Variants in PHF21A observed in about 807,000 individuals in gnomAD.
PHF21A encodes the protein BHC80a.
Under a neutral mutation model 82.5 loss-of-function variants are expected in PHF21A, and 11 were observed. The observed-to-expected ratio is 0.13, with a 90% CI of 0.08 to 0.22. The LOEUF (loss-of-function observed/expected upper bound fraction) is 0.22, where lower values mean the gene tolerates loss of function less well. PHF21A is among the 10% of genes least tolerant of loss of function. The pLI is 1.00. For synonymous variants in PHF21A, 297 were observed against 302.8 expected, an observed-to-expected ratio of 0.98 and a Z score of 0.20; for missense variants, 579 against 837.8, an observed-to-expected ratio of 0.69 and a Z score of 3.81.
chr11:45,961,963 G>T (rs1425515789), intron 10 of PHF21A, among the ~76,000 whole-genome samples: 1 of 152,142 alleles, frequency 6.6e-6, no homozygotes, highest in Non-Finnish European at 1.5e-5. Flanking sequence ...CTTATCTGGG[G>T]TAGATAAGGA....
At chr11:46,096,415 A>G (rs996973854) in intron 1 of PHF21A, among the ~76,000 whole-genome samples, 2 of 152,022 alleles carry the variant, frequency 1.3e-5, no homozygotes, top group Non-Finnish European at 2.9e-5. Context: ...CCCAATCTCT[A>G]TTGAACACAA....
intron 6 of PHF21A, chr11:46,049,620 C>G: frequency 2.5e-6 from 1 of 393,466 alleles, no homozygotes; most frequent in Non-Finnish European, 5.0e-6. Flanking sequence ...TCCCACCTGT[C>G]ACAGCACTCT....
chr11:46,010,084 G>A (rs79767061), intron 6 of PHF21A, among the ~76,000 whole-genome samples: 1 of 152,280 alleles, frequency 6.6e-6, no homozygotes, highest in South Asian at 2.1e-4. Context: ...CTAAAAGAAA[G>A]GGGAGAAAAA....
intron 6 of PHF21A, among the ~76,000 whole-genome samples, chr11:45,985,980 G>T (rs902713635): frequency 6.6e-6 from 1 of 151,866 alleles, no homozygotes; most frequent in African/African-American, 2.4e-5. Flanking sequence ...TTCTCTGCAT[G>T]GATGTTTAAC....
intron 1 of PHF21A, among the ~76,000 whole-genome samples, chr11:46,093,429 A>G (rs985096043): frequency 6.6e-6 from 1 of 152,212 alleles, no homozygotes; most frequent in Admixed American, 6.5e-5. Flanking sequence ...AAAGGGCCCC[A>G]GTTCATGCAG....
At chr11:45,946,249 G>A in intron 14 of PHF21A, 1 of 828,196 alleles carries the variant, frequency 1.2e-6, no homozygotes, top group African/African-American at 1.7e-5. Flanking sequence ...AATGACAGAA[G>A]GTGCTGGCTT....
At chr11:46,036,947 G>A (rs2096017093) in intron 6 of PHF21A, among the ~76,000 whole-genome samples, 1 of 152,120 alleles carries the variant, frequency 6.6e-6, no homozygotes, top group African/African-American at 2.4e-5. Flanking sequence ...CTGGCCTCAG[G>A]CAATCCTCTC....
chr11:46,116,319 T>TC lies in PHF21A; in HGVS notation c.-237+4615dup, dbSNP rs201386236. Among the ~76,000 whole-genome samples, 252 of 152,360 alleles carry TC rather than the reference T, an allele frequency of 1.7e-3. 1 individual carries two copies. Among genetic ancestry groups the TC allele is most frequent in the African/African-American group, 5.6e-3 (233 of 41,584 alleles). On this transcript the variant is annotated intron_variant, in intron 1 of 18. Coordinates refer to ENST00000676320, the MANE Select transcript of PHF21A (RefSeq NM_001352027.3). ...TAACACATACAGATATACATCTTTT[T>TC]CACTGTGAAACAAGCTTGAAAGCTT... is the stretch of plus-strand genomic sequence containing the variant.
chr11:46,059,609 G>C (rs1216754509), intron 6 of PHF21A, among the ~76,000 whole-genome samples: 3 of 151,944 alleles, frequency 2.0e-5, no homozygotes, highest in African/African-American at 7.3e-5. Flanking sequence ...ATTTTGTGTA[G>C]AGGTGGGATG....
At chr11:45,951,399 T>C (rs1412803442) in intron 11 of PHF21A, among the ~76,000 whole-genome samples, 1 of 152,234 alleles carries the variant, frequency 6.6e-6, no homozygotes. Flanking sequence ...AGAAATGTCA[T>C]TTACTGGTAA....
At chr11:45,952,635 AT>A (rs1191510277) in intron 11 of PHF21A, among the ~76,000 whole-genome samples, 29 of 152,304 alleles carry the variant, frequency 1.9e-4, no homozygotes, top group Middle Eastern at 3.4e-3. Context: ...AAATTCATTC[AT>A]TTCATATCAG....
intron 1 of PHF21A, among the ~76,000 whole-genome samples, chr11:46,115,733 C>T (rs1200191511): frequency 1.3e-5 from 2 of 152,102 alleles, no homozygotes; most frequent in Non-Finnish European, 2.9e-5. Context: ...AAAAGAATTC[C>T]ATTAAAGGTC....
At chr11:46,117,988 T>TA (rs1427101438) in intron 1 of PHF21A, 1 of 152,188 alleles carries the variant, frequency 6.6e-6, no homozygotes, top group African/African-American at 2.4e-5. Flanking sequence ...AGAGCTGTAA[T>TA]AAGTAGCAAG....
chr11:46,100,860 T>C (rs1305455641), intron 1 of PHF21A, among the ~76,000 whole-genome samples: 1 of 152,220 alleles, frequency 6.6e-6, no homozygotes, highest in African/African-American at 2.4e-5. Context: ...AGGGAGCACA[T>C]AGCAAGTTTC....
intron 1 of PHF21A, chr11:46,120,528 C>T (rs952191663): frequency 1.3e-5 from 2 of 152,066 alleles, no homozygotes; most frequent in African/African-American, 4.8e-5. Flanking sequence ...CATAAACTTA[C>T]TTCCAATTTA....
At chr11:46,073,455 A>T (rs560534663) in intron 6 of PHF21A, among the ~76,000 whole-genome samples, 180 of 152,324 alleles carry the variant, frequency 1.2e-3, no homozygotes, top group African/African-American at 4.1e-3. Flanking sequence ...TGTTAAAAAA[A>T]TTTTTTAAAT....
In PHF21A at chr11:45,965,295, G is replaced by A. The variant is rs748307571; in HGVS notation, c.996+20C>T. On this transcript the variant is annotated intron_variant, in intron 10 of 18. Transcript: ENST00000676320. ...AACGACAAGGCTACTGCCCAGAGCA[G>A]GTACATACTCTGCCTGTACCTGTTT... The A allele has an allele frequency of 3.7e-6, 6 of 1,610,900 alleles. No individual in the cohort carries two copies. The highest frequency in any genetic ancestry group is 8.5e-7 in the Non-Finnish European group (1 of 1,178,238).
chr11:45,933,794 A>C lies in PHF21A; in HGVS notation c.*174T>G, dbSNP rs541424449. 1.8e-6 allele frequency: 1 copy of C among 563,288 alleles called. No homozygotes were observed. Among genetic ancestry groups the C allele is most frequent in the African/African-American group, 1.9e-5 (1 of 52,432 alleles). The allele number at this position is 563,288 out of a possible 1,614,324, so 34.9% of individuals were successfully genotyped here. A position where few individuals can be genotyped will look rare whatever the true frequency, so the allele number is the denominator to read the frequency against. On this transcript the variant is annotated 3_prime_UTR_variant, in exon 19 of 19. Coordinates refer to ENST00000676320, the MANE Select transcript of PHF21A (RefSeq NM_001352027.3). ...CTTTGCATGTACACACAGAATAAGAAGGATCAATTGGCAAACTCTGGTGCC... is the reference window on the plus strand; with the variant it reads ...CTTTGCATGTACACACAGAATAAGACGGATCAATTGGCAAACTCTGGTGCC...
chr11:46,108,281 C>T (rs1195911768), intron 1 of PHF21A, among the ~76,000 whole-genome samples: 1 of 151,780 alleles, frequency 6.6e-6, no homozygotes, highest in African/African-American at 2.4e-5. Flanking sequence ...TCCTAAATTA[C>T]TTATATAGGA....
Sources: gnomAD v4.1 joint callset for allele counts (sites outside exome capture counted in the v4.1 genomes callset) on GRCh38, gnomAD v4.1.1 for gene constraint, MANE v1.5 for transcripts, NCBI Gene and HGNC (gene_info 2026-07-23, HGNC 2026-07-21) for gene names.